The following SMIM10L3 variants were observed in gnomAD, a reference collection of about 807,000 sequenced individuals.
SMIM10L3 encodes the protein small integral membrane protein 10 like 3.
the SMIM10L3 span, chr7:6,331,191 G>A: frequency 2.5e-6 from 4 of 1,577,848 alleles, no homozygotes; most frequent in African/African-American, 2.7e-5. Context: ...CTGAGGTCAC[G>A]CCTTCGTCAG....
At chr7:6,348,238 G>GT in the SMIM10L3 span, among the ~76,000 whole-genome samples, 93 of 151,074 alleles carry the variant, frequency 6.2e-4, no homozygotes, top group African/African-American at 2.2e-3. Context: ...AATAAGGGGG[G>GT]GGGTTGCAAA....
chr7:6,337,034 A>C, the SMIM10L3 span, among the ~76,000 whole-genome samples: 1 of 152,066 alleles, frequency 6.6e-6, no homozygotes, highest in East Asian at 1.9e-4. Context: ...AAGGATTCCT[A>C]AATATATTTC....
the SMIM10L3 span, among the ~76,000 whole-genome samples, chr7:6,339,379 G>A: frequency 1.3e-5 from 2 of 152,072 alleles, no homozygotes; most frequent in Non-Finnish European, 2.9e-5. Context: ...GAGGTGGGAG[G>A]ATCGTTTGAG....
chr7:6,334,741 C>T, the SMIM10L3 span, among the ~76,000 whole-genome samples: 1 of 152,008 alleles, frequency 6.6e-6, no homozygotes, highest in African/African-American at 2.4e-5. Flanking sequence ...GCTAGGATTA[C>T]AGGCGTGAGC....
At chr7:6,330,601 G>A in the SMIM10L3 span, 5 of 1,614,138 alleles carry the variant, frequency 3.1e-6, no homozygotes, top group Non-Finnish European at 4.2e-6. Flanking sequence ...CAGGCAAGCG[G>A]GTTCCAACTC....
the SMIM10L3 span, chr7:6,330,764 G>T: frequency 6.2e-7 from 1 of 1,614,110 alleles, no homozygotes; most frequent in Non-Finnish European, 8.5e-7. Context: ...CCTCCTCCCA[G>T]CCAGTCTCGC....
chr7:6,346,982 G>T, the SMIM10L3 span, among the ~76,000 whole-genome samples: 1 of 152,124 alleles, frequency 6.6e-6, no homozygotes, highest in African/African-American at 2.4e-5. Flanking sequence ...GACTTGGCCA[G>T]CTTTCTTTGA....
chr7:6,337,301 G>A, the SMIM10L3 span, among the ~76,000 whole-genome samples: 7 of 151,912 alleles, frequency 4.6e-5, no homozygotes, highest in Admixed American at 4.6e-4. Flanking sequence ...TTTGTATTTT[G>A]AGTAGATATG....
chr7:6,348,554 G>A, the SMIM10L3 span: 1 of 432,374 alleles, frequency 2.3e-6, no homozygotes, highest in South Asian at 5.4e-5. Flanking sequence ...CGGGGGCCGG[G>A]CAGGCACGGC....
chr7:6,331,280 G>T, the SMIM10L3 span: 6 of 891,162 alleles, frequency 6.7e-6, no homozygotes, highest in Non-Finnish European at 1.0e-5. Flanking sequence ...AAGACACATG[G>T]GTCTTAAGAG....
At chr7:6,341,687 CA>C in the SMIM10L3 span, among the ~76,000 whole-genome samples, 2,201 of 110,618 alleles carry the variant, frequency 0.02, 11 homozygotes, top group African/African-American at 0.035. Flanking sequence ...AAGACTCTGT[CA>C]AAAAAAAAAA....
the SMIM10L3 span, among the ~76,000 whole-genome samples, chr7:6,332,411 CTT>C: frequency 1.3e-5 from 2 of 152,198 alleles, no homozygotes; most frequent in African/African-American, 4.8e-5. Flanking sequence ...TGTAAACTCA[CTT>C]TTGAGTGTTG....
the SMIM10L3 span, chr7:6,331,156 C>A: frequency 3.1e-6 from 5 of 1,608,102 alleles, no homozygotes; most frequent in East Asian, 8.9e-5. Flanking sequence ...GTCCCTCATG[C>A]TTCGTGTTCT....
At chr7:6,330,824 T>C in the SMIM10L3 span, 1 of 1,614,190 alleles carries the variant, frequency 6.2e-7, no homozygotes, top group South Asian at 1.1e-5. Flanking sequence ...AAACACTCTG[T>C]TGGAGCAGGG....
At chr7:6,336,923 G>A in the SMIM10L3 span, among the ~76,000 whole-genome samples, 1 of 152,098 alleles carries the variant, frequency 6.6e-6, no homozygotes, top group Non-Finnish European at 1.5e-5. Flanking sequence ...CAAAGTGCTG[G>A]AATTACAGGC....
At chr7:6,337,747 A>C in the SMIM10L3 span, among the ~76,000 whole-genome samples, 1 of 151,738 alleles carries the variant, frequency 6.6e-6, no homozygotes, top group African/African-American at 2.4e-5. Flanking sequence ...GTACTTTAGT[A>C]TTCAGTAATA....
chr7:6,346,567 G>C, the SMIM10L3 span, among the ~76,000 whole-genome samples: 1 of 152,118 alleles, frequency 6.6e-6, no homozygotes, highest in Admixed American at 6.6e-5. Context: ...TTTTAGTAGA[G>C]ACAGGGTTTC....
the SMIM10L3 span, among the ~76,000 whole-genome samples, chr7:6,346,320 C>T: frequency 3.3e-5 from 5 of 152,296 alleles, no homozygotes; most frequent in South Asian, 1.0e-3. Flanking sequence ...CCCTTGATCA[C>T]ATGACAGTAC....
the SMIM10L3 span, chr7:6,329,620 C>T: frequency 1.2e-5 from 2 of 160,770 alleles, no homozygotes; most frequent in African/African-American, 4.8e-5. Context: ...CAGACGACAA[C>T]AGGAGTCACC....
Sources: gnomAD v4.1 joint callset for allele counts (sites outside exome capture counted in the v4.1 genomes callset) on GRCh38, gnomAD v4.1.1 for gene constraint, MANE v1.5 for transcripts, NCBI Gene and HGNC (gene_info 2026-07-23, HGNC 2026-07-21) for gene names.